Variants in MAD1L1 observed in about 807,000 individuals in gnomAD.
MAD1L1 encodes mitotic spindle assembly checkpoint protein MAD1.
MAD1L1 carries 95 observed loss-of-function variants against 96.9 expected under a neutral mutation model. That is an observed-to-expected ratio of 0.98 (90% CI 0.83 to 1.16). MAD1L1 has a LOEUF of 1.16. Ranked by LOEUF, MAD1L1 falls within the 50% of genes most tolerant of loss-of-function variation. The pLI, the probability that MAD1L1 is intolerant of heterozygous loss-of-function variation, is 0.00. For synonymous variants in MAD1L1, 473 were observed against 396.6 expected (o/e 1.19, Z -2.29); for missense variants, 1,007 against 954.4 (o/e 1.06, Z -0.73).
intron 18 of MAD1L1, among the ~76,000 whole-genome samples, chr7:1,883,389 G>A (rs1475357536): frequency 1.3e-5 from 2 of 152,208 alleles, no homozygotes; most frequent in Non-Finnish European, 2.9e-5. Flanking sequence ...CCGGGGATGA[G>A]CTCCCTTTCC....
intron 11 of MAD1L1, among the ~76,000 whole-genome samples, chr7:2,126,638 G>C (rs570440674): frequency 1.5e-3 from 230 of 152,326 alleles, no homozygotes; most frequent in Non-Finnish European, 1.5e-3. Flanking sequence ...AGCTCTGAAA[G>C]GCAGTGTGAG....
At chr7:2,033,374 C>T (rs1358878740) in intron 12 of MAD1L1, among the ~76,000 whole-genome samples, 1 of 152,202 alleles carries the variant, frequency 6.6e-6, no homozygotes, top group African/African-American at 2.4e-5. Flanking sequence ...TGGAGCAAGG[C>T]CCTGAAAGGC....
chr7:2,018,334 C>G (rs1036257780), intron 12 of MAD1L1, among the ~76,000 whole-genome samples: 1 of 152,228 alleles, frequency 6.6e-6, no homozygotes, highest in Admixed American at 6.5e-5. Flanking sequence ...GAAAACCAGG[C>G]ACACGGAACC....
chr7:2,193,862 A>G (rs1343321566), intron 10 of MAD1L1, among the ~76,000 whole-genome samples: 3 of 149,528 alleles, frequency 2.0e-5, no homozygotes, highest in Non-Finnish European at 1.5e-5. Flanking sequence ...AACCACCATG[A>G]TGCTGTGTGG....
chr7:2,016,494 G>C (rs377433967), intron 12 of MAD1L1, among the ~76,000 whole-genome samples: 1 of 152,142 alleles, frequency 6.6e-6, no homozygotes, highest in African/African-American at 2.4e-5. Context: ...CTGAGCCCCC[G>C]CCCAGGCCCC....
chr7:1,985,381 C>A (rs1781092929), intron 14 of MAD1L1, among the ~76,000 whole-genome samples: 1 of 152,260 alleles, frequency 6.6e-6, no homozygotes, highest in African/African-American at 2.4e-5. Flanking sequence ...GGGCACAGCA[C>A]AGGCTCTTCC....
intron 17 of MAD1L1, among the ~76,000 whole-genome samples, chr7:1,901,991 G>T (rs1039374632): frequency 6.6e-6 from 1 of 152,220 alleles, no homozygotes; most frequent in African/African-American, 2.4e-5. Flanking sequence ...GGTACTGATG[G>T]GCTCTCAAGG....
intron 18 of MAD1L1, among the ~76,000 whole-genome samples, chr7:1,831,851 A>G (rs966799845): frequency 6.6e-6 from 1 of 152,196 alleles, no homozygotes; most frequent in African/African-American, 2.4e-5. Flanking sequence ...TTTTAAGCCC[A>G]CTGTTGAGAC....
intron 16 of MAD1L1, among the ~76,000 whole-genome samples, chr7:1,940,709 G>A (rs1430069998): frequency 6.6e-6 from 1 of 152,240 alleles, no homozygotes; most frequent in Non-Finnish European, 1.5e-5. Flanking sequence ...GGGCCCCGCT[G>A]ACGGAGCTGC....
At chr7:2,137,178 C>A (rs1292166346) in intron 11 of MAD1L1, among the ~76,000 whole-genome samples, 1 of 152,184 alleles carries the variant, frequency 6.6e-6, no homozygotes, top group African/African-American at 2.4e-5. Flanking sequence ...TACTTAGGGA[C>A]CAACCCCAGC....
chr7:1,847,739 C>A (rs1345215632), intron 18 of MAD1L1: 2 of 469,070 alleles, frequency 4.3e-6, no homozygotes, highest in Admixed American at 4.7e-5. Flanking sequence ...GTCCCTGGGC[C>A]CGGGACACGG....
chr7:1,872,926 A>G (rs1785183391), intron 18 of MAD1L1, among the ~76,000 whole-genome samples: 1 of 152,248 alleles, frequency 6.6e-6, no homozygotes, highest in Non-Finnish European at 1.5e-5. Context: ...GCGCGTCAGA[A>G]GGAGAGAAAG....
chr7:1,953,926 G>A (rs1050616319), intron 16 of MAD1L1, among the ~76,000 whole-genome samples: 7 of 152,164 alleles, frequency 4.6e-5, no homozygotes, highest in Admixed American at 1.3e-4. Flanking sequence ...GTGGGGATGC[G>A]CCCGCCCAGC....
chr7:1,906,899 C>T lies in MAD1L1; in HGVS notation c.1808-8509G>A, dbSNP rs551153791. On this transcript the variant is annotated intron_variant, in intron 17 of 18. Coordinates refer to ENST00000265854, the MANE Select transcript of MAD1L1 (RefSeq NM_001013836.2). ...CTACTGCTGAACGTCCGTTTATCCC[C>T]GAACACGTGTGCGTCTGTCCCTGAA... Among the ~76,000 whole-genome samples the T allele has an allele frequency of 1.9e-3, 285 of 152,338 alleles. 1 individual carries two copies. The highest frequency in any genetic ancestry group is 3.8e-3 in the Non-Finnish European group (259 of 68,022).
intron 18 of MAD1L1, among the ~76,000 whole-genome samples, chr7:1,887,375 G>A (rs1303679745): frequency 1.3e-5 from 2 of 151,806 alleles, no homozygotes; most frequent in African/African-American, 4.8e-5. Flanking sequence ...GGGTGGCTGT[G>A]CATGCGTGTA....
chr7:2,126,481 C>T (rs1430511564), intron 11 of MAD1L1, among the ~76,000 whole-genome samples: 2 of 152,184 alleles, frequency 1.3e-5, no homozygotes, highest in Non-Finnish European at 2.9e-5. Flanking sequence ...GAGCTATCTT[C>T]CCCCCTCAGG....
chr7:1,930,873 G>T (rs568335805), intron 17 of MAD1L1, among the ~76,000 whole-genome samples: 14 of 152,258 alleles, frequency 9.2e-5, no homozygotes, highest in Non-Finnish European at 1.5e-4. Context: ...TCGTGACCCA[G>T]GAGACCCACC....
chr7:1,957,661 G>A lies in MAD1L1; in HGVS notation c.1564C>T (p.Leu522=), dbSNP rs772969732. 57 of 1,613,946 alleles carry A rather than the reference G, an allele frequency of 3.5e-5. No homozygotes were observed. Among genetic ancestry groups the A allele is most frequent in the Non-Finnish European group, 4.7e-5 (56 of 1,180,048 alleles). The change falls in exon 16 of 19, where the codon CTG becomes TTG. Residue 522 remains leucine (L), a synonymous_variant. Coordinates refer to ENST00000265854, the MANE Select transcript of MAD1L1 (RefSeq NM_001013836.2). The part of the protein sequence containing the change: ...RSRLEEEKRM[L]EAQLERRALQ... ...GCTCGCCGCTCCAGCTGTGCCTCCA[G>A]CATCCTCTTTTCCTCCTCCAGCCGA...
chr7:2,132,935 C>A (rs1004349916), intron 11 of MAD1L1, among the ~76,000 whole-genome samples: 7 of 152,224 alleles, frequency 4.6e-5, no homozygotes, highest in Non-Finnish European at 1.0e-4. Context: ...GAAGAGCAGT[C>A]CTCACTTCAT....
Sources: allele counts gnomAD v4.1 joint callset (sites outside exome capture counted in the v4.1 genomes callset), GRCh38; gene constraint gnomAD v4.1.1; transcripts MANE v1.5; gene names NCBI Gene and HGNC (gene_info 2026-07-23, HGNC 2026-07-21).